The following L1CAM variants were observed in gnomAD, a reference collection of about 807,000 sequenced individuals.
L1CAM encodes neural cell adhesion molecule L1.
In L1CAM, 8 loss-of-function variants were observed where a neutral mutation model predicts 93.0. The observed-to-expected ratio is 0.09, with a 90% confidence interval of 0.05 to 0.16. L1CAM has a LOEUF of 0.16. L1CAM is among the 10% of genes least tolerant of loss of function. The pLI, the probability that L1CAM is intolerant of heterozygous loss-of-function variation, is 1.00. For synonymous variants in L1CAM, 453 were observed against 453.0 expected (o/e 1.00, Z 0.00); for missense variants, 777 against 1,073.4 (o/e 0.72, Z 3.86).
rs782185858 is a variant in L1CAM at position 153,870,393 on chromosome X, C to T, written c.801G>A (p.Glu267=). 3.3e-6 allele frequency: 4 copies of T among 1,209,775 alleles called. No homozygotes were observed. The highest frequency in any genetic ancestry group is 4.5e-6 in the Non-Finnish European group (4 of 893,283). The stretch of plus-strand genomic sequence containing the variant: ...CCCTGGGTTCCCAGACTCACAAGCC[C>T]TCGGCGATGCACTCCAGGACCAATG... ...GQPLVLECIA[E]GFPTPTIKWL... The change falls in exon 8 of 29, where the codon GAG becomes GAA. Residue 267 remains glutamate, a synonymous_variant. Coordinates refer to ENST00000370060, the MANE Select transcript of L1CAM (RefSeq NM_001278116.2).
intron 1 of L1CAM, among the ~76,000 whole-genome samples, chrX:153,878,075 G>A (rs2064825755): frequency 8.9e-6 from 1 of 112,539 alleles, no homozygotes; most frequent in Non-Finnish European, 1.9e-5. Context: ...AGTGGTTAAA[G>A]TGCAGGCAAG....
At position 153,883,922 on chromosome X, in the gene L1CAM, G is replaced by A. The variant is rs188814681; in HGVS notation, c.-109+2143C>T. On this transcript the variant is annotated intron_variant, in intron 1 of 28. Transcript: ENST00000370060. ...GTAGGGCACACAGGCCTGTCTCCTCGACCCTCACCTGCCAGTCCTGGCCAG... is the reference window on the plus strand; with the variant it reads ...GTAGGGCACACAGGCCTGTCTCCTCAACCCTCACCTGCCAGTCCTGGCCAG... 1.5e-3 allele frequency: 503 copies of A among 339,405 alleles called. 2 individuals are homozygous for A. The highest frequency in any genetic ancestry group is 0.011 in the African/African-American group (428 of 37,998). The allele number at this position is 339,405 out of a possible 1,213,427, so 28.0% of individuals were successfully genotyped here.
intron 1 of L1CAM, chrX:153,880,423 C>T (rs1557095475): frequency 4.4e-6 from 1 of 228,646 alleles, no homozygotes; most frequent in Non-Finnish European, 8.2e-6. Flanking sequence ...TATCCGGCTT[C>T]TCCTGCCCTT....
intron 1 of L1CAM, among the ~76,000 whole-genome samples, chrX:153,879,905 G>A (rs1294028730): frequency 8.9e-6 from 1 of 112,106 alleles, no homozygotes; most frequent in Non-Finnish European, 1.9e-5. Flanking sequence ...GTGAGCCTGC[G>A]TGACCATGCA....
intron 20 of L1CAM, 90 bp from the exon 21 acceptor site, chrX:153,865,590 C>T (rs2064705805): frequency 9.6e-7 from 1 of 1,036,322 alleles, no homozygotes; most frequent in Non-Finnish European, 1.4e-6. Context: ...TGGGGACCCT[C>T]CTCTCAACCC....
intron 1 of L1CAM, among the ~76,000 whole-genome samples, chrX:153,882,947 C>T (rs1314051310): frequency 8.9e-6 from 1 of 112,354 alleles, no homozygotes; most frequent in African/African-American, 3.2e-5. Context: ...TTTCCAGCCA[C>T]AGCCTTCAGG....
intron 7 of L1CAM, 128 bp downstream of exon 7, chrX:153,870,662 G>A (rs2064760731): frequency 1.2e-6 from 1 of 826,141 alleles, no homozygotes; most frequent in African/African-American, 2.0e-5. Flanking sequence ...AGGGGTCTGG[G>A]CAGGGTAGAG....
intron 1 of L1CAM, among the ~76,000 whole-genome samples, chrX:153,881,918 G>A (rs1333190530): frequency 8.9e-6 from 1 of 111,821 alleles, no homozygotes; most frequent in Non-Finnish European, 1.9e-5. Flanking sequence ...GAGCTAGGAT[G>A]ACCCTAGCAC....
chrX:153,877,287 CAAAAAAAAAA>C (rs34384910), intron 1 of L1CAM, among the ~76,000 whole-genome samples: 171 of 12,779 alleles, frequency 0.013, no homozygotes, highest in Non-Finnish European at 0.019. Context: ...ACTAAAAATA[CAAAAAAAAAA>C]AAAAAAAAAA....
chrX:153,868,292 C>T lies in L1CAM; in HGVS notation c.1703+10G>A. 1.7e-6 allele frequency: 2 copies of T among 1,211,837 alleles called. No homozygotes were observed. The highest frequency in any genetic ancestry group is 1.1e-6 in the Non-Finnish European group (1 of 895,452). On this transcript the variant is annotated intron_variant, in intron 14 of 28. Coordinates refer to ENST00000370060, the MANE Select transcript of L1CAM (RefSeq NM_001278116.2). ...CCCACTCTGCCCCCTTTCACCGTCACTGTCCTCACTTGTCACTGTCCCCAA... is the reference window on the plus strand; with the variant it reads ...CCCACTCTGCCCCCTTTCACCGTCATTGTCCTCACTTGTCACTGTCCCCAA...
At chrX:153,872,772 G>A (rs782075781) in intron 3 of L1CAM, 75 bp from the exon 4 acceptor site, 129 of 872,978 alleles carry the variant, frequency 1.5e-4, no homozygotes, top group Admixed American at 2.2e-4. Context: ...CTGTCCCATC[G>A]TGAGGGAAGC....
chrX:153,879,759 G>A (rs193236545), intron 1 of L1CAM, among the ~76,000 whole-genome samples: 161 of 110,299 alleles, frequency 1.5e-3, no homozygotes, highest in African/African-American at 5.1e-3. Context: ...GGTGGGGGTC[G>A]GGGGATTCCT....
At position 153,871,085 on chromosome X, in the gene L1CAM, C is replaced by T. The variant is rs1394825017; in HGVS notation, c.495G>A (p.Glu165=). ...VLPCNPPPSA[E]PLRIYWMNSK... is the part of the protein sequence containing the mutation. ...TGTTCATCCAGTAGATCCGGAGAGG[C>T]TCTGCACTTGGGGGAGGGTTGCAAG... The change falls in exon 6 of 29, where the codon GAG becomes GAA. Residue 165 remains glutamate, a synonymous_variant. Transcript: ENST00000370060. 8.3e-7 allele frequency: 1 copy of T among 1,208,995 alleles called. No individual in the cohort carries two copies. Among genetic ancestry groups the T allele is most frequent in the Non-Finnish European group, 1.1e-6 (1 of 894,978 alleles).
At chrX:153,875,510 C>T in intron 2 of L1CAM, 3 of 488,344 alleles carry the variant, frequency 6.1e-6, no homozygotes, top group East Asian at 7.5e-5. Context: ...GGTTCGCTGT[C>T]CCTGGTGCTG....
At position 153,875,914 on chromosome X, in the gene L1CAM, C is replaced by T. The variant is rs200879223; in HGVS notation, c.-78G>A. 2 of 430,736 alleles carry T rather than the reference C, an allele frequency of 4.6e-6. No individual in the cohort carries two copies. The highest frequency in any genetic ancestry group is 1.4e-4 in the East Asian group (1 of 6,981). 35.5% of individuals were successfully genotyped at this position (430,736 alleles called of 1,213,427 possible). A position where few individuals can be genotyped will look rare whatever the true frequency, so the allele number is the denominator to read the frequency against. ...GCCGGAGGGGAAGGGGGCTGGTGGG[C>T]GGCTTGGGGCGGGAGTTGGGAGTGG... On this transcript the variant is annotated 5_prime_UTR_variant, in exon 2 of 29. Coordinates refer to ENST00000370060, the MANE Select transcript of L1CAM (RefSeq NM_001278116.2).
rs1340288722 is a variant in L1CAM at position 153,879,120 on chromosome X, C to CA, written c.-108-3177dup. ...TCAGCTCAGCAGGCCCTCTACCCCC[C>CA]ACCAGCACCACTAAGGGCAAAGGAG... On this transcript the variant is annotated intron_variant, in intron 1 of 28. Coordinates refer to ENST00000370060, the MANE Select transcript of L1CAM (RefSeq NM_001278116.2). 4.5e-5 allele frequency among the ~76,000 whole-genome samples: 5 copies of CA among 111,315 alleles called. No homozygotes were observed. The East Asian group carries it at 1.4e-3, about 32-fold the overall frequency.
In L1CAM at chrX:153,869,927, C is replaced by A. The variant is rs200201490; in HGVS notation, c.999G>T (p.Pro333=). 3.3e-5 allele frequency: 40 copies of A among 1,208,057 alleles called. No homozygotes were observed. In the African/African-American group the frequency reaches 6.1e-4, roughly 18 times the overall value. The change falls in exon 10 of 29, where the codon CCG becomes CCT. Residue 333 remains proline, a synonymous_variant. Transcript: ENST00000370060. ...HAYYVTVEAA[P]YWLHKPQSHL... ...GGCTCTGGGGCTTGTGCAGCCAGTA[C>A]GGGGCAGCTGGGAGGAAGGGGAGAG...
At position 153,868,462 on chromosome X, in the gene L1CAM, A is replaced by T. The variant is rs200148275; in HGVS notation, c.1547-4T>A. The T allele has an allele frequency of 3.4e-4, 412 of 1,210,360 alleles. 2 individuals carry two copies. In the East Asian group the frequency reaches 0.01, roughly 30 times the overall value. ...CCCTGAGTGATCTGAGTTGCATCTGAGGGTAATGCGTGCGTGGGGAAGTCA... is the reference window on the plus strand; with the variant it reads ...CCCTGAGTGATCTGAGTTGCATCTGTGGGTAATGCGTGCGTGGGGAAGTCA... On this transcript the variant is annotated splice_polypyrimidine_tract_variant and splice_region_variant and intron_variant, in intron 13 of 28. Coordinates refer to ENST00000370060, the MANE Select transcript of L1CAM (RefSeq NM_001278116.2).
intron 1 of L1CAM, among the ~76,000 whole-genome samples, chrX:153,883,183 G>C (rs1557096059): frequency 9.0e-6 from 1 of 111,670 alleles, no homozygotes; most frequent in East Asian, 2.8e-4. Context: ...GGGTGAGGCA[G>C]GGGCAGCTGG....
Sources: gnomAD v4.1 joint callset for allele counts (sites outside exome capture counted in the v4.1 genomes callset) on GRCh38, gnomAD v4.1.1 for gene constraint, MANE v1.5 for transcripts, NCBI Gene and HGNC (gene_info 2026-07-23, HGNC 2026-07-21) for gene names.